The following FAM184A variants were observed in gnomAD, a reference collection of about 807,000 sequenced individuals.
FAM184A encodes the protein protein FAM184A.
In FAM184A, 99 loss-of-function variants were observed where a neutral mutation model predicts 143.8. The ratio of observed to expected loss-of-function variants is 0.69; its 90% CI spans 0.58 to 0.81. The LOEUF (loss-of-function observed/expected upper bound fraction) is 0.81. Among genes scored for constraint, FAM184A ranks in the 40% least tolerant of loss-of-function variants. FAM184A has a pLI of 0.00. For missense variants in FAM184A, 1,217 were observed against 1,310.5 expected, an observed-to-expected ratio of 0.93 and a Z score of 1.10; for synonymous variants, 427 against 446.4, an observed-to-expected ratio of 0.96 and a Z score of 0.55.
At chr6:118,968,483 A>G (rs986054080) in intron 14 of FAM184A, among the ~76,000 whole-genome samples, 2 of 152,248 alleles carry the variant, frequency 1.3e-5, no homozygotes, top group African/African-American at 4.8e-5. Context: ...ACTCAAATAA[A>G]GTGACCTTGC....
intron 9 of FAM184A, among the ~76,000 whole-genome samples, chr6:118,992,638 A>G (rs928631091): frequency 2.0e-5 from 3 of 152,120 alleles, no homozygotes; most frequent in Non-Finnish European, 2.9e-5. Flanking sequence ...TGAGAAATGA[A>G]TTTCTGTTGT....
chr6:119,112,039 G>T (rs1473629387), intron 1 of FAM184A, among the ~76,000 whole-genome samples: 1 of 152,022 alleles, frequency 6.6e-6, no homozygotes, highest in Non-Finnish European at 1.5e-5. Context: ...ACTTATTCTG[G>T]AAAGAAAGCA....
intron 1 of FAM184A, among the ~76,000 whole-genome samples, chr6:119,060,208 T>C (rs1787175466): frequency 6.6e-6 from 1 of 152,210 alleles, no homozygotes; most frequent in African/African-American, 2.4e-5. Context: ...CTCCTTCCTG[T>C]AATTCTTTCC....
intron 1 of FAM184A, among the ~76,000 whole-genome samples, chr6:119,029,061 C>T (rs1401186437): frequency 6.6e-6 from 1 of 152,140 alleles, no homozygotes; most frequent in Non-Finnish European, 1.5e-5. Context: ...GAAAAACAAG[C>T]CAACCAGCCA....
rs900095705 is a variant in FAM184A, at chr6:118,979,496, T to C, written c.2324A>G (p.Gln775Arg). ...EQRALENHLQ[Q>R]KHSAELQSLK... is the part of the protein sequence containing the mutation. ...TGATTGAAGCTCTGCAGAATGCTTC[T>C]GTTGTAAATGATTTTCAAGAGCCTA... Residue 775 changes from glutamine (Q) to arginine (R), a missense_variant, in exon 11 of 18, where the codon CAG (glutamine) becomes CGG (arginine). Coordinates refer to ENST00000338891, the MANE Select transcript of FAM184A (RefSeq NM_024581.6). 4 of 1,610,540 alleles carry C rather than the reference T, an allele frequency of 2.5e-6. No individual in the cohort carries two copies. The highest frequency in any genetic ancestry group is 3.4e-6 in the Non-Finnish European group (4 of 1,179,112).
chr6:119,115,088 C>T (rs1789022730), intron 1 of FAM184A, among the ~76,000 whole-genome samples: 1 of 152,168 alleles, frequency 6.6e-6, no homozygotes, highest in East Asian at 1.9e-4. Context: ...GATAAATATT[C>T]ACTTAATGTT....
intron 1 of FAM184A, among the ~76,000 whole-genome samples, chr6:119,092,724 C>T (rs969619430): frequency 2.0e-5 from 3 of 152,052 alleles, no homozygotes; most frequent in Non-Finnish European, 2.9e-5. Context: ...CAGGGCCTTT[C>T]CTTGAGCAGA....
At chr6:119,052,934 G>A (rs774656869) in intron 1 of FAM184A, among the ~76,000 whole-genome samples, 11 of 152,224 alleles carry the variant, frequency 7.2e-5, no homozygotes, top group Admixed American at 2.0e-4. Context: ...TGTAGGTAAT[G>A]TAGAACCAGT....
At chr6:119,070,398 A>G (rs1475662268) in intron 1 of FAM184A, among the ~76,000 whole-genome samples, 2 of 152,152 alleles carry the variant, frequency 1.3e-5, no homozygotes, top group African/African-American at 4.8e-5. Flanking sequence ...GCAATCTCCA[A>G]CTTGCAAATA....
Position 118,974,528 on chromosome 6 carries a change from C to A in FAM184A, c.2815G>T (p.Val939Phe). The A allele has an allele frequency of 6.2e-7, 1 of 1,610,566 alleles. No individual in the cohort carries two copies. The highest frequency in any genetic ancestry group is 2.2e-5 in the East Asian group (1 of 44,700). Residue 939 changes from valine (V) to phenylalanine (F), a missense_variant, in exon 14 of 18, where the codon GTC becomes TTC. Coordinates refer to ENST00000338891, the MANE Select transcript of FAM184A (RefSeq NM_024581.6). ...LNKRLEKELDVMTADHLREKN... is the reference protein window; with the variant it reads ...LNKRLEKELDFMTADHLREKN... Reference sequence around the variant, plus strand: ...TCTCTGAGGTGGTCTGCTGTCATGACATCCAACTCTTTTTCAAGTCTCTTG... The same window carrying A: ...TCTCTGAGGTGGTCTGCTGTCATGAAATCCAACTCTTTTTCAAGTCTCTTG...
At chr6:118,999,094 CTGA>C (rs1784666703) in intron 9 of FAM184A, among the ~76,000 whole-genome samples, 1 of 152,080 alleles carries the variant, frequency 6.6e-6, no homozygotes, top group Non-Finnish European at 1.5e-5. Flanking sequence ...GTGGGGACTG[CTGA>C]TGAACTAGTT....
At chr6:119,052,204 T>C (rs1054570060) in intron 1 of FAM184A, among the ~76,000 whole-genome samples, 1 of 152,254 alleles carries the variant, frequency 6.6e-6, no homozygotes, top group Middle Eastern at 3.2e-3. Context: ...ATTTTGGATA[T>C]AGACACCTAC....
At chr6:119,016,160 G>C (rs150392920) in intron 5 of FAM184A, among the ~76,000 whole-genome samples, 1 of 152,122 alleles carries the variant, frequency 6.6e-6, no homozygotes, top group African/African-American at 2.4e-5. Context: ...CTAGCTCAGG[G>C]ATTGTAAATG....
intron 1 of FAM184A, among the ~76,000 whole-genome samples, chr6:119,097,052 G>C (rs1471514099): frequency 6.6e-6 from 1 of 152,150 alleles, no homozygotes; most frequent in African/African-American, 2.4e-5. Context: ...ATGGGGGCCA[G>C]AAGAGGCAAT....
At chr6:119,056,386 A>G (rs1044622460) in intron 1 of FAM184A, among the ~76,000 whole-genome samples, 2 of 152,188 alleles carry the variant, frequency 1.3e-5, no homozygotes, top group Non-Finnish European at 2.9e-5. Flanking sequence ...ATCCAGGTAG[A>G]GATGACAGTC....
chr6:118,975,985 T>G lies in FAM184A; in HGVS notation c.2515A>C (p.Asn839His). Residue 839 changes from asparagine (N) to histidine (H), a missense_variant, in exon 12 of 18, where the codon AAT (asparagine) becomes CAT (histidine). Transcript: ENST00000338891. The stretch of plus-strand genomic sequence containing the variant: ...GCAGCTGCCAATTCTTGATGATGAT[T>G]ATGCCGTAACAAATCAATTGCAGCT... Reference protein sequence around the residue: ...HAAAIDLLRHNHHQELAAAKM... With the variant: ...HAAAIDLLRHHHHQELAAAKM... 6.2e-7 allele frequency: 1 copy of G among 1,613,414 alleles called. No individual in the cohort carries two copies. Among genetic ancestry groups the G allele is most frequent in the Non-Finnish European group, 8.5e-7 (1 of 1,179,722 alleles).
chr6:119,133,571 C>T (rs1454796123), intron 1 of FAM184A, among the ~76,000 whole-genome samples: 1 of 151,972 alleles, frequency 6.6e-6, no homozygotes, highest in Non-Finnish European at 1.5e-5. Context: ...GTAAGTTGGG[C>T]CTTTGTACCT....
chr6:119,083,722 T>G (rs901223929), intron 1 of FAM184A, among the ~76,000 whole-genome samples: 1 of 152,186 alleles, frequency 6.6e-6, no homozygotes, highest in Non-Finnish European at 1.5e-5. Flanking sequence ...TCATTGTCTA[T>G]ATCACTATCA....
chr6:119,012,192 T>C (rs1785110931), intron 5 of FAM184A, among the ~76,000 whole-genome samples: 1 of 152,160 alleles, frequency 6.6e-6, no homozygotes, highest in African/African-American at 2.4e-5. Flanking sequence ...CTAAGGCTTT[T>C]TCACACCACA....
Sources: allele counts gnomAD v4.1 joint callset (sites outside exome capture counted in the v4.1 genomes callset), GRCh38; gene constraint gnomAD v4.1.1; transcripts MANE v1.5; gene names NCBI Gene and HGNC (gene_info 2026-07-23, HGNC 2026-07-21).